NELL2: variants seen among roughly 807,000 people sequenced by gnomAD.
The protein encoded by NELL2 is neural EGFL like 2.
In NELL2, 41 loss-of-function variants were observed where a neutral mutation model predicts 109.6. The ratio of observed to expected loss-of-function variants is 0.37; its 90% CI spans 0.29 to 0.49. The LOEUF (loss-of-function observed/expected upper bound fraction) is 0.49, where lower values mean the gene tolerates loss of function less well. Ranked by LOEUF, NELL2 falls within the 20% of genes least tolerant of loss-of-function variation. NELL2 has a pLI of 0.98. For synonymous variants in NELL2, 355 were observed against 344.7 expected, an observed-to-expected ratio of 1.03 and a Z score of -0.33; for missense variants, 900 against 1,008.3, an observed-to-expected ratio of 0.89 and a Z score of 1.45.
chr12:44,642,718 C>T (rs1220112711), intron 13 of NELL2, among the ~76,000 whole-genome samples: 1 of 152,068 alleles, frequency 6.6e-6, no homozygotes, highest in Non-Finnish European at 1.5e-5. Context: ...CCTATCTCTA[C>T]TAAAAATACA....
At chr12:44,513,913 T>A in intron 19 of NELL2, among the ~76,000 whole-genome samples, 1 of 140,532 alleles carries the variant, frequency 7.1e-6, no homozygotes, top group Non-Finnish European at 1.5e-5. Context: ...TCAACTTAGA[T>A]ATCCAAAAAG....
intron 15 of NELL2, among the ~76,000 whole-genome samples, chr12:44,540,781 C>CAGAAAAAAAAAAA (rs1942518590): frequency 2.0e-5 from 1 of 49,750 alleles, no homozygotes; most frequent in Non-Finnish European, 3.4e-5. Flanking sequence ...GTCTGCAAGC[C>CAGAAAAAAAAAAA]AAAAAAAAAA....
chr12:44,647,552 T>A (rs1457593472), intron 13 of NELL2, among the ~76,000 whole-genome samples: 1 of 152,122 alleles, frequency 6.6e-6, no homozygotes, highest in Non-Finnish European at 1.5e-5. Flanking sequence ...TTAAGAGCTA[T>A]AGAAATGCAG....
intron 15 of NELL2, among the ~76,000 whole-genome samples, chr12:44,540,787 A>AAAAAAAAAAAAAG (rs1942521611): frequency 1.3e-5 from 2 of 149,162 alleles, no homozygotes; most frequent in Admixed American, 6.7e-5. Flanking sequence ...AAGCCAAAAA[A>AAAAAAAAAAAAAG]AAAAAAAAAA....
At chr12:44,580,343 C>T (rs1272508156) in intron 15 of NELL2, among the ~76,000 whole-genome samples, 1 of 152,136 alleles carries the variant, frequency 6.6e-6, no homozygotes, top group African/African-American at 2.4e-5. Flanking sequence ...GCTACCCTCA[C>T]TGCCTTGTCT....
At chr12:44,622,047 TCA>T (rs1946079919) in intron 13 of NELL2, among the ~76,000 whole-genome samples, 1 of 152,156 alleles carries the variant, frequency 6.6e-6, no homozygotes. Context: ...CTTTGAACCC[TCA>T]CATCTTGCCG....
At chr12:44,627,719 C>A (rs1946316422) in intron 13 of NELL2, among the ~76,000 whole-genome samples, 1 of 151,982 alleles carries the variant, frequency 6.6e-6, no homozygotes, top group South Asian at 2.1e-4. Flanking sequence ...CAAGTAGAAT[C>A]ACCAAATTCC....
intron 15 of NELL2, among the ~76,000 whole-genome samples, chr12:44,593,339 T>C (rs1054050984): frequency 6.6e-6 from 1 of 151,850 alleles, no homozygotes; most frequent in African/African-American, 2.4e-5. Context: ...CAGAAGAAAA[T>C]AATGCAAAAA....
chr12:44,674,269 GA>G (rs1446995854), intron 12 of NELL2, among the ~76,000 whole-genome samples: 2 of 152,076 alleles, frequency 1.3e-5, no homozygotes, highest in Non-Finnish European at 2.9e-5. Context: ...AAAAATCCAA[GA>G]TATATTTACA....
At chr12:44,858,631 C>T (rs371173384) in intron 2 of NELL2, among the ~76,000 whole-genome samples, 1 of 152,246 alleles carries the variant, frequency 6.6e-6, no homozygotes, top group South Asian at 2.1e-4. Context: ...TATGGTGAAG[C>T]GAAAGTCACC....
At chr12:44,735,749 T>G (rs139581998) in intron 9 of NELL2, among the ~76,000 whole-genome samples, 232 of 152,274 alleles carry the variant, frequency 1.5e-3, no homozygotes, top group African/African-American at 5.4e-3. Flanking sequence ...CTTGCTATTA[T>G]TTTTATCATT....
chr12:44,644,631 C>CATATATATATATATAT (rs144306927), intron 13 of NELL2, among the ~76,000 whole-genome samples: 1 of 100,948 alleles, frequency 9.9e-6, no homozygotes, highest in African/African-American at 3.8e-5. Context: ...TATATACATA[C>CATATATATATATATAT]ATATATATAT....
chr12:44,707,776 G>C (rs1306938623), intron 11 of NELL2, among the ~76,000 whole-genome samples: 1 of 152,130 alleles, frequency 6.6e-6, no homozygotes, highest in Non-Finnish European at 1.5e-5. Context: ...TTTTAAAAGT[G>C]AGTCGACTAT....
chr12:44,768,904 T>C (rs996312853), intron 9 of NELL2, among the ~76,000 whole-genome samples: 2 of 152,176 alleles, frequency 1.3e-5, no homozygotes, highest in Non-Finnish European at 1.5e-5. Context: ...GCTTCCAGCA[T>C]TATTGTAAAA....
intron 2 of NELL2, among the ~76,000 whole-genome samples, chr12:44,845,540 T>C (rs1944345196): frequency 6.6e-6 from 1 of 152,238 alleles, no homozygotes; most frequent in Admixed American, 6.5e-5. Context: ...GGCTACCATA[T>C]TGGACTGGAT....
chr12:44,691,120 T>C (rs774648322), intron 12 of NELL2, among the ~76,000 whole-genome samples: 1 of 152,166 alleles, frequency 6.6e-6, no homozygotes, highest in Non-Finnish European at 1.5e-5. Flanking sequence ...CCTTGTTTTA[T>C]TGCAGTTCAC....
intron 2 of NELL2, among the ~76,000 whole-genome samples, chr12:44,847,570 A>AG: frequency 6.6e-6 from 1 of 151,236 alleles, no homozygotes; most frequent in Admixed American, 6.6e-5. Flanking sequence ...AATGGGGGAA[A>AG]AAAAAAAAAA....
intron 16 of NELL2, among the ~76,000 whole-genome samples, chr12:44,526,670 G>T (rs1486889098): frequency 1.3e-5 from 2 of 152,196 alleles, no homozygotes; most frequent in South Asian, 4.1e-4. Context: ...GATCAAGAAC[G>T]ATGTATAGAT....
chr12:44,894,552 G>A (rs959355265), intron 1 of NELL2, among the ~76,000 whole-genome samples: 3 of 151,838 alleles, frequency 2.0e-5, no homozygotes, highest in Admixed American at 6.6e-5. Flanking sequence ...AATTGAAAAG[G>A]ATGCTGAATC....
Sources: allele counts gnomAD v4.1 joint callset (sites outside exome capture counted in the v4.1 genomes callset), GRCh38; gene constraint gnomAD v4.1.1; transcripts MANE v1.5; gene names NCBI Gene and HGNC (gene_info 2026-07-23, HGNC 2026-07-21).